The following GRIN1 variants were observed in gnomAD, a reference collection of about 807,000 sequenced individuals.
The protein encoded by GRIN1 is glutamate receptor ionotropic, NMDA 1.
In GRIN1, 38 loss-of-function variants were observed where a neutral mutation model predicts 103.0. That is an observed-to-expected ratio of 0.37 (90% CI 0.28 to 0.48). The LOEUF is 0.48. GRIN1 is among the 20% of genes least tolerant of loss of function. The pLI is 0.98. For missense variants in GRIN1, 577 were observed against 1,288.9 expected (o/e 0.45, Z 8.46); for synonymous variants, 544 against 532.7 (o/e 1.02, Z -0.29).
rs199584169 is a variant in GRIN1 at position 137,163,924 on chromosome 9, G to A, written c.2589+20G>A. 4 of 1,611,734 alleles carry A rather than the reference G, an allele frequency of 2.5e-6. No individual in the cohort carries two copies. Among genetic ancestry groups the A allele is most frequent in the Admixed American group, 1.7e-5 (1 of 60,008 alleles). Reference sequence around the variant, plus strand: ...CTGCAGGTAGGGCAGGCCACCCTCCGAGGCCTGGTGCCCAGGGCCCGGCCT... The same window carrying A: ...CTGCAGGTAGGGCAGGCCACCCTCCAAGGCCTGGTGCCCAGGGCCCGGCCT... On this transcript the variant is annotated intron_variant, in intron 18 of 19. Coordinates refer to ENST00000371561, the MANE Select transcript of GRIN1 (RefSeq NM_007327.4).
intron 10 of GRIN1, 112 bp from the exon 11 acceptor site, chr9:137,161,812 G>A: frequency 9.1e-7 from 1 of 1,101,774 alleles, no homozygotes; most frequent in East Asian, 2.6e-5. Context: ...AGCTGGGTAG[G>A]GTCTTGGGGA....
Position 137,168,100 on chromosome 9 carries a change from G to C in GRIN1, c.*573G>C. 1 of 579,284 alleles carries C rather than the reference G, an allele frequency of 1.7e-6. No individual in the cohort carries two copies. Among genetic ancestry groups the C allele is most frequent in the Non-Finnish European group, 3.1e-6 (1 of 326,376 alleles). The allele number at this position is 579,284 out of a possible 1,614,324, so 35.9% of individuals were successfully genotyped here. On this transcript the variant is annotated 3_prime_UTR_variant, in exon 20 of 20. Coordinates refer to ENST00000371561, the MANE Select transcript of GRIN1 (RefSeq NM_007327.4). Reference sequence around the variant, plus strand: ...CGCTCCGGCAGAGGCAGGGCCCTGGGGTCTCTGAGCAGTGGGGAGCGGGGG... The same window carrying C: ...CGCTCCGGCAGAGGCAGGGCCCTGGCGTCTCTGAGCAGTGGGGAGCGGGGG...
chr9:137,168,037 A>ACGGGGCAGAGCTGAGTCGG lies in GRIN1; in HGVS notation c.*512_*530dup, dbSNP rs1833972153. 1.5e-6 allele frequency: 1 copy of ACGGGGCAGAGCTGAGTCGG among 650,532 alleles called. No individual in the cohort carries two copies. The highest frequency in any genetic ancestry group is 2.8e-6 in the Non-Finnish European group (1 of 363,066). The allele number at this position is 650,532 out of a possible 1,614,324, so 40.3% of individuals were successfully genotyped here. A position where few individuals can be genotyped will look rare whatever the true frequency, so the allele number is the denominator to read the frequency against. ...AAGGTGCGGACCGGAGCGGCTGAGG[A>ACGGGGCAGAGCTGAGTCGG]CGGGGCAGAGCTGAGTCGGCTGGGC... is the stretch of plus-strand genomic sequence containing the variant. On this transcript the variant is annotated 3_prime_UTR_variant, in exon 20 of 20. Transcript: ENST00000371561.
chr9:137,147,924 C>T (rs929390313), intron 3 of GRIN1, among the ~76,000 whole-genome samples: 1 of 152,164 alleles, frequency 6.6e-6, no homozygotes, highest in African/African-American at 2.4e-5. Flanking sequence ...TTTCCAAGAG[C>T]ACAGCTTCGT....
chr9:137,150,240 G>A (rs998898397), intron 4 of GRIN1, among the ~76,000 whole-genome samples: 1 of 152,188 alleles, frequency 6.6e-6, no homozygotes, highest in Non-Finnish European at 1.5e-5. Context: ...CAGGAAAAAA[G>A]ATTTTTAAAG....
chr9:137,160,369 T>G (rs887435573), intron 8 of GRIN1, among the ~76,000 whole-genome samples: 2 of 151,870 alleles, frequency 1.3e-5, no homozygotes, highest in Non-Finnish European at 2.9e-5. Context: ...CTGGGCTGTT[T>G]CTCACCCCAG....
intron 2 of GRIN1, among the ~76,000 whole-genome samples, chr9:137,144,385 T>C (rs1474428336): frequency 6.2e-5 from 9 of 146,200 alleles, no homozygotes; most frequent in Non-Finnish European, 1.0e-4. Flanking sequence ...CCGGGCGCGG[T>C]GGCTCACGCC....
intron 6 of GRIN1, among the ~76,000 whole-genome samples, chr9:137,157,432 A>G (rs1168146794): frequency 6.6e-6 from 1 of 152,046 alleles, no homozygotes; most frequent in East Asian, 1.9e-4. Flanking sequence ...CCGTCACTGG[A>G]GTGGGGACTG....
intron 4 of GRIN1, among the ~76,000 whole-genome samples, chr9:137,151,248 A>AC (rs1832886089): frequency 6.8e-6 from 1 of 147,888 alleles, no homozygotes; most frequent in African/African-American, 2.5e-5. Context: ...CCCAGAAAAA[A>AC]GACCAGCCCA....
chr9:137,151,195 A>AGG, intron 4 of GRIN1, among the ~76,000 whole-genome samples: 1 of 140,664 alleles, frequency 7.1e-6, no homozygotes, highest in African/African-American at 2.7e-5. Flanking sequence ...CCGCCCAGAA[A>AGG]AAAGTCCCGC....
intron 4 of GRIN1, among the ~76,000 whole-genome samples, chr9:137,151,586 G>A (rs1328473980): frequency 6.6e-6 from 1 of 150,648 alleles, no homozygotes; most frequent in Non-Finnish European, 1.5e-5. Flanking sequence ...GCCCCACCCA[G>A]TGAAAGCCCC....
intron 8 of GRIN1, among the ~76,000 whole-genome samples, chr9:137,159,342 C>T (rs917124595): frequency 5.9e-5 from 9 of 152,236 alleles, no homozygotes; most frequent in African/African-American, 1.2e-4. Flanking sequence ...ACAGGCGACA[C>T]GCCCACCAAC....
At position 137,156,748 on chromosome 9, in the gene GRIN1, G is replaced by A; in HGVS notation, c.751G>A (p.Glu251Lys). The A allele has an allele frequency of 6.3e-7, 1 of 1,586,866 alleles. No homozygotes were observed. The highest frequency in any genetic ancestry group is 8.6e-7 in the Non-Finnish European group (1 of 1,168,118). The change falls in exon 5 of 20, where the codon GAG becomes AAG. Residue 251 changes from glutamate to lysine, a missense_variant. By Grantham distance (56) the Glu-to-Lys change is moderately conservative (BLOSUM62 1). Transcript: ENST00000371561. ...TGSGYVWLVG[E>K]REISGNALRY... ...CTCCGGGTACGTGTGGCTGGTCGGC[G>A]AGCGCGAGATCTCGGGGAACGCCCT...
intron 18 of GRIN1, chr9:137,164,135 C>T (rs1250949120): frequency 1.7e-6 from 1 of 587,266 alleles, no homozygotes; most frequent in African/African-American, 1.9e-5. Context: ...GGCCACGCAC[C>T]CTGCTCCAAG....
chr9:137,141,562 A>C (rs1832163392), intron 1 of GRIN1, among the ~76,000 whole-genome samples: 1 of 152,132 alleles, frequency 6.6e-6, no homozygotes, highest in Non-Finnish European at 1.5e-5. Context: ...CTTCCCCCTG[A>C]AGTCCGGTAC....
chr9:137,145,900 A>G lies in GRIN1; in HGVS notation c.568A>G (p.Lys190Glu). ...LETLLEERES[K>E]AEKVLQFDPG... ...GACGCTGCTGGAGGAGCGTGAGTCC[A>G]AGGTGAGGGTCGGCGCCGCGGGTGG... Residue 190 changes from lysine to glutamate, a missense_variant and splice_region_variant, in exon 3 of 20, where the codon AAG (lysine) becomes GAG (glutamate). By Grantham distance (56) the Lys-to-Glu change is moderately conservative. Transcript: ENST00000371561. 1 of 1,600,580 alleles carries G rather than the reference A, an allele frequency of 6.2e-7. No individual in the cohort carries two copies. Among genetic ancestry groups the G allele is most frequent in the Non-Finnish European group, 8.5e-7 (1 of 1,173,634 alleles).
At chr9:137,166,968 C>G (rs1296899391) in intron 19 of GRIN1, among the ~76,000 whole-genome samples, 2 of 152,218 alleles carry the variant, frequency 1.3e-5, no homozygotes, top group Admixed American at 6.5e-5. Context: ...GAGGGTGACA[C>G]TGGGTCCCAG....
At chr9:137,152,905 C>T (rs145184669) in intron 4 of GRIN1, among the ~76,000 whole-genome samples, 120 of 152,128 alleles carry the variant, frequency 7.9e-4, no homozygotes, top group African/African-American at 2.4e-3. Context: ...ACAACACACA[C>T]GCATGTATGC....
At chr9:137,150,034 G>A (rs1832751439) in intron 4 of GRIN1, among the ~76,000 whole-genome samples, 1 of 152,202 alleles carries the variant, frequency 6.6e-6, no homozygotes, top group South Asian at 2.1e-4. Flanking sequence ...CGGACTAGAA[G>A]GCAGGAATCT....
Sources: allele counts gnomAD v4.1 joint callset (sites outside exome capture counted in the v4.1 genomes callset), GRCh38; gene constraint gnomAD v4.1.1; transcripts MANE v1.5; gene names NCBI Gene and HGNC (gene_info 2026-07-23, HGNC 2026-07-21).